TLE1: variants seen among roughly 807,000 people sequenced by gnomAD.
The protein encoded by TLE1 is TLE family member 1, transcriptional corepressor, also known as transducin-like enhancer protein 1.
Under a neutral mutation model 89.8 loss-of-function variants are expected in TLE1, and 21 were observed. The observed-to-expected ratio is 0.23, with a 90% confidence interval of 0.17 to 0.34. The LOEUF (loss-of-function observed/expected upper bound fraction) is 0.34, where lower values mean the gene tolerates loss of function less well. Ranked by LOEUF, TLE1 falls within the 10% of genes least tolerant of loss-of-function variation. The pLI is 1.00. For missense variants in TLE1, 795 were observed against 1,031.2 expected (o/e 0.77, Z 3.14); for synonymous variants, 447 against 407.6 (o/e 1.10, Z -1.16).
At chr9:81,663,214 G>C (rs537337845) in intron 4 of TLE1, among the ~76,000 whole-genome samples, 1 of 152,258 alleles carries the variant, frequency 6.6e-6, no homozygotes, top group Admixed American at 6.5e-5. Context: ...CCACGTTTGC[G>C]ATCAACAGTG....
intron 4 of TLE1, among the ~76,000 whole-genome samples, chr9:81,658,380 T>C (rs1411410962): frequency 6.6e-6 from 1 of 152,084 alleles, no homozygotes; most frequent in African/African-American, 2.4e-5. Context: ...CTCAAACTGA[T>C]GAAAAACATC....
chr9:81,627,599 C>T (rs1435152310), intron 8 of TLE1, among the ~76,000 whole-genome samples: 1 of 152,118 alleles, frequency 6.6e-6, no homozygotes, highest in African/African-American at 2.4e-5. Context: ...GAAACCTGCC[C>T]AGGAGTCTGC....
chr9:81,664,430 C>G (rs1784760229), intron 4 of TLE1, among the ~76,000 whole-genome samples: 1 of 152,200 alleles, frequency 6.6e-6, no homozygotes, highest in Non-Finnish European at 1.5e-5. Context: ...AGATTTCTCC[C>G]ATCACAGTGC....
intron 8 of TLE1, among the ~76,000 whole-genome samples, chr9:81,632,475 CTT>C (rs11376391): frequency 1.0e-4 from 8 of 79,908 alleles, no homozygotes; most frequent in Admixed American, 3.5e-4. Context: ...TTCAGTATCC[CTT>C]TTTTTTTTTT....
intron 7 of TLE1, chr9:81,633,837 G>A (rs939113102): frequency 1.6e-5 from 8 of 493,844 alleles, no homozygotes; most frequent in Non-Finnish European, 2.5e-5. Flanking sequence ...TATGGTACAG[G>A]CCACTGGCAT....
intron 4 of TLE1, among the ~76,000 whole-genome samples, chr9:81,673,272 TAAAAAAAA>T (rs5898756): frequency 2.0e-5 from 2 of 98,000 alleles, no homozygotes; most frequent in Non-Finnish European, 3.8e-5. Flanking sequence ...AGACTTCATT[TAAAAAAAA>T]AAAAAAAAAA....
At chr9:81,621,140 AAG>A (rs770431495) in intron 8 of TLE1, among the ~76,000 whole-genome samples, 9 of 152,318 alleles carry the variant, frequency 5.9e-5, no homozygotes, top group Admixed American at 4.6e-4. Flanking sequence ...TTTAAGATCT[AAG>A]GGGGGAATTT....
Position 81,623,545 on chromosome 9 carries a change from G to A in TLE1, c.595-2988C>T, listed in dbSNP as rs187006965. The stretch of plus-strand genomic sequence containing the variant: ...TGTAATCCCAGCACTTAGGGAGGCC[G>A]AGGCAGGCAGATCGCCTGTGAAAAG... On this transcript the variant is annotated intron_variant, in intron 8 of 19. Transcript: ENST00000376499. Among the ~76,000 whole-genome samples the A allele has an allele frequency of 2.1e-3, 323 of 150,850 alleles. 5 individuals are homozygous for A. Among genetic ancestry groups the A allele is most frequent in the African/African-American group, 7.4e-3 (302 of 40,940 alleles).
chr9:81,621,609 C>G (rs1825267777), intron 8 of TLE1, among the ~76,000 whole-genome samples: 1 of 152,186 alleles, frequency 6.6e-6, no homozygotes, highest in Admixed American at 6.5e-5. Flanking sequence ...TGGGGGATAC[C>G]TTTAAGTTAG....
chr9:81,637,940 A>T (rs923637715), intron 6 of TLE1, among the ~76,000 whole-genome samples: 2 of 152,204 alleles, frequency 1.3e-5, no homozygotes, highest in African/African-American at 2.4e-5. Context: ...CAGAGCCAGA[A>T]TGAGGGCTAC....
At chr9:81,668,092 G>C (rs1287847790) in intron 4 of TLE1, among the ~76,000 whole-genome samples, 1 of 152,060 alleles carries the variant, frequency 6.6e-6, no homozygotes, top group African/African-American at 2.4e-5. Context: ...TTGAACCCAG[G>C]AGACGGAGGT....
At chr9:81,590,565 G>C (rs558653931) in intron 16 of TLE1, among the ~76,000 whole-genome samples, 5 of 152,194 alleles carry the variant, frequency 3.3e-5, no homozygotes, top group Admixed American at 6.5e-5. Context: ...TCTGTATGTG[G>C]GCTGAAGAAT....
intron 8 of TLE1, among the ~76,000 whole-genome samples, chr9:81,626,783 C>G (rs141587262): frequency 1.7e-3 from 265 of 152,292 alleles, no homozygotes; most frequent in African/African-American, 6.0e-3. Context: ...GGTGCTAAAA[C>G]CACGATGCCT....
intron 4 of TLE1, among the ~76,000 whole-genome samples, chr9:81,665,433 C>A (rs1362350739): frequency 6.6e-6 from 1 of 152,128 alleles, no homozygotes; most frequent in Non-Finnish European, 1.5e-5. Flanking sequence ...TGAGCTCTCT[C>A]CAACTGGGCC....
intron 1 of TLE1, among the ~76,000 whole-genome samples, chr9:81,687,976 C>CAA (rs1414758414): frequency 6.6e-6 from 1 of 152,090 alleles, no homozygotes; most frequent in Non-Finnish European, 1.5e-5. Context: ...CCCAGCCTTC[C>CAA]CCAGCGCCCC....
chr9:81,585,761 A>C, intron 17 of TLE1, 106 bp from the exon 18 acceptor site: 1 of 1,408,868 alleles, frequency 7.1e-7, no homozygotes, highest in Non-Finnish European at 9.6e-7. Context: ...GGAAGTAATC[A>C]GCCAAGTCCA....
At chr9:81,614,584 T>C (rs1478392187) in intron 11 of TLE1, among the ~76,000 whole-genome samples, 3 of 152,188 alleles carry the variant, frequency 2.0e-5, no homozygotes, top group Non-Finnish European at 2.9e-5. Flanking sequence ...GCCACGGCTG[T>C]GTAGCCTTGT....
chr9:81,585,434 C>T, intron 18 of TLE1, 71 bp downstream of exon 18: 1 of 1,564,818 alleles, frequency 6.4e-7, no homozygotes, highest in Non-Finnish European at 8.7e-7. Flanking sequence ...ATGATCTCTA[C>T]CATATTTTTT....
At chr9:81,628,933 A>T (rs1319982127) in intron 8 of TLE1, among the ~76,000 whole-genome samples, 1 of 152,074 alleles carries the variant, frequency 6.6e-6, no homozygotes, top group Non-Finnish European at 1.5e-5. Context: ...GCACGGACCC[A>T]CCCAGTCCAT....
Sources: allele counts gnomAD v4.1 joint callset (sites outside exome capture counted in the v4.1 genomes callset), GRCh38; gene constraint gnomAD v4.1.1; transcripts MANE v1.5; gene names NCBI Gene and HGNC (gene_info 2026-07-23, HGNC 2026-07-21).